PIGN: variants seen among roughly 807,000 people sequenced by gnomAD.
PIGN encodes the protein phosphatidylinositol glycan anchor biosynthesis class N, also known as GPI ethanolamine phosphate transferase 1.
A neutral mutation model predicts 125.4 loss-of-function variants in PIGN; 117 were observed. The ratio of observed to expected loss-of-function variants is 0.93; its 90% CI spans 0.80 to 1.09. The LOEUF (loss-of-function observed/expected upper bound fraction) is 1.09. Ranked by LOEUF, PIGN falls within the 50% of genes least tolerant of loss-of-function variation. The pLI is 0.00. For missense variants in PIGN, 1,075 were observed against 1,094.9 expected (o/e 0.98, Z 0.26); for synonymous variants, 392 against 377.8 (o/e 1.04, Z -0.44).
intron 1 of PIGN, among the ~76,000 whole-genome samples, chr18:62,167,143 C>T (rs1488285922): frequency 6.6e-6 from 1 of 152,022 alleles, no homozygotes; most frequent in Non-Finnish European, 1.5e-5. Context: ...AGACTGACAC[C>T]TCGTTCTCTC....
At chr18:62,051,658 G>T (rs2031302499) in intron 30 of PIGN, 1 of 152,018 alleles carries the variant, frequency 6.6e-6, no homozygotes, top group South Asian at 2.1e-4. Flanking sequence ...ACCAGCTCCT[G>T]GATTCCTTAA....
intron 30 of PIGN, among the ~76,000 whole-genome samples, chr18:62,058,511 T>G (rs1291270706): frequency 6.6e-6 from 1 of 152,344 alleles, no homozygotes; most frequent in East Asian, 1.9e-4. Context: ...GCACTGCTCA[T>G]GAGACTAACT....
At chr18:62,028,896 C>T (rs1213717124) in intron 23 of PIGN, among the ~76,000 whole-genome samples, 1 of 152,226 alleles carries the variant, frequency 6.6e-6, no homozygotes, top group African/African-American at 2.4e-5. Flanking sequence ...ACATGCTTGT[C>T]CTTTGCAGCA....
In PIGN at chr18:62,052,205, A is replaced by T. The variant is rs989923344; in HGVS notation, c.2673-6226T>A. 6 of 151,790 alleles carry T rather than the reference A, an allele frequency of 4.0e-5. No homozygotes were observed. In the East Asian group the frequency reaches 9.7e-4, roughly 24 times the overall value. The allele number at this position is 151,790 out of a possible 1,614,324, so 9.4% of individuals were successfully genotyped here. A position where few individuals can be genotyped will look rare whatever the true frequency, so the allele number is the denominator to read the frequency against. On this transcript the variant is annotated intron_variant, in intron 30 of 30. Coordinates refer to ENST00000640252, the MANE Select transcript of PIGN (RefSeq NM_176787.5). ...TGATTTGGGGTGGAGAGTTCTGTAG[A>T]TGTCTATTAGGTCCACTTGGTGCAG... is the stretch of plus-strand genomic sequence containing the variant.
chr18:62,173,289 G>T (rs1397139471), intron 1 of PIGN, among the ~76,000 whole-genome samples: 2 of 152,162 alleles, frequency 1.3e-5, no homozygotes, highest in Non-Finnish European at 2.9e-5. Flanking sequence ...GCCTCACTCT[G>T]CCACCCAGGC....
chr18:62,076,687 T>C (rs2033189766), intron 28 of PIGN, among the ~76,000 whole-genome samples: 1 of 152,218 alleles, frequency 6.6e-6, no homozygotes, highest in Admixed American at 6.5e-5. Context: ...GACTTCTTTT[T>C]AATAAATAAT....
intron 1 of PIGN, among the ~76,000 whole-genome samples, chr18:62,169,473 A>ATT (rs200012021): frequency 1.4e-4 from 17 of 122,276 alleles, no homozygotes; most frequent in South Asian, 6.0e-4. Context: ...TTTTTTTATT[A>ATT]TTTTTTTTTT....
At chr18:62,167,394 GGCCGAGGTGGGT>G (rs2037184145) in intron 1 of PIGN, among the ~76,000 whole-genome samples, 1 of 142,760 alleles carries the variant, frequency 7.0e-6, no homozygotes, top group Non-Finnish European at 1.6e-5. Context: ...CATTTTGGGA[GGCCGAGGTGGGT>G]GGATCTCTTG....
intron 6 of PIGN, among the ~76,000 whole-genome samples, chr18:62,155,498 G>C (rs907246450): frequency 6.6e-6 from 1 of 152,158 alleles, no homozygotes. Context: ...GAACCAAGGA[G>C]GCAGAGGTGG....
intron 19 of PIGN, among the ~76,000 whole-genome samples, chr18:62,106,380 G>GAAAA (rs5825476): frequency 6.8e-6 from 1 of 147,620 alleles, no homozygotes; most frequent in Non-Finnish European, 1.5e-5. Flanking sequence ...TACTTATCCA[G>GAAAA]AAAAAAAAAA....
intron 14 of PIGN, among the ~76,000 whole-genome samples, chr18:62,130,952 G>A (rs559328671): frequency 6.6e-6 from 1 of 152,054 alleles, no homozygotes; most frequent in African/African-American, 2.4e-5. Context: ...CATGTCATAA[G>A]TGAATAAATG....
At chr18:62,141,683 C>A (rs73964846) in intron 11 of PIGN, among the ~76,000 whole-genome samples, 122 of 152,308 alleles carry the variant, frequency 8.0e-4, no homozygotes, top group African/African-American at 2.4e-3. Context: ...CATGCTGCAG[C>A]CAGGGGTATT....
intron 28 of PIGN, among the ~76,000 whole-genome samples, chr18:62,081,655 C>G (rs930739434): frequency 6.6e-6 from 1 of 152,046 alleles, no homozygotes; most frequent in Non-Finnish European, 1.5e-5. Flanking sequence ...CTTATTTAAA[C>G]CTTAATTAAA....
At chr18:62,147,772 T>C (rs2036387607) in intron 8 of PIGN, among the ~76,000 whole-genome samples, 1 of 152,194 alleles carries the variant, frequency 6.6e-6, no homozygotes, top group Admixed American at 6.5e-5. Context: ...GGAGTGTTAT[T>C]GAATTATGGT....
rs367909088 is a variant in PIGN, at chr18:62,054,489, A to ATTT, written c.2673-8513_2673-8511dup. Among the ~76,000 whole-genome samples, 23 of 117,278 alleles carry ATTT rather than the reference A, an allele frequency of 2.0e-4. No individual in the cohort carries two copies. The East Asian group carries it at 2.1e-3, about 11-fold the overall frequency. 76.9% of individuals were successfully genotyped at this position (117,278 alleles called of 152,430 possible). ...TCAACAAAATACTTTTTTTTTTCCT[A>ATTT]TTTTTTTTTTTTTTTTTTTTTAGGC... On this transcript the variant is annotated intron_variant, in intron 30 of 30. Transcript: ENST00000640252.
At chr18:62,164,613 C>T (rs1231922348) in intron 1 of PIGN, among the ~76,000 whole-genome samples, 1 of 152,186 alleles carries the variant, frequency 6.6e-6, no homozygotes, top group Non-Finnish European at 1.5e-5. Context: ...TCAATCGCCT[C>T]CCACCAGGTC....
Position 62,102,827 on chromosome 18 carries a change from A to G in PIGN, c.1935T>C (p.Phe645=), listed in dbSNP as rs2034497301. 1 of 1,572,406 alleles carries G rather than the reference A, an allele frequency of 6.4e-7. No homozygotes were observed. The highest frequency in any genetic ancestry group is 1.8e-5 in the Admixed American group (1 of 55,032). Residue 645 remains phenylalanine (F), a synonymous_variant, in exon 21 of 31, where the codon TTT becomes TTC. Transcript: ENST00000640252. ...VTSLMKRKDS[F]IKEELLVHLL... ...GATGTACCAATAGCTCTTCCTTTAT[A>G]AAGCTATCTTTTCTTTTCATGAGAG...
intron 23 of PIGN, among the ~76,000 whole-genome samples, chr18:62,029,060 G>A (rs2030161047): frequency 6.6e-6 from 1 of 152,220 alleles, no homozygotes; most frequent in Admixed American, 6.5e-5. Flanking sequence ...GGCCAGTGGT[G>A]CCTGGTGAGA....
intron 30 of PIGN, among the ~76,000 whole-genome samples, chr18:62,068,799 T>A (rs2032672965): frequency 6.6e-6 from 1 of 152,104 alleles, no homozygotes; most frequent in South Asian, 2.1e-4. Flanking sequence ...CTCTTCACCT[T>A]CTCTCACTCT....
Sources: gnomAD v4.1 joint callset for allele counts (sites outside exome capture counted in the v4.1 genomes callset) on GRCh38, gnomAD v4.1.1 for gene constraint, MANE v1.5 for transcripts, NCBI Gene and HGNC (gene_info 2026-07-23, HGNC 2026-07-21) for gene names.